ACTR3: variants seen among roughly 807,000 people sequenced by gnomAD.
ACTR3 encodes actin related protein 3, also known as actin-related protein 3.
In ACTR3, 12 loss-of-function variants were observed where a neutral mutation model predicts 56.8. That is an observed-to-expected ratio of 0.21 (90% CI 0.14 to 0.34). The LOEUF (loss-of-function observed/expected upper bound fraction) is 0.34. Among genes scored for constraint, ACTR3 ranks in the 10% least tolerant of loss-of-function variants. ACTR3 has a pLI of 1.00. For synonymous variants in ACTR3, 162 were observed against 167.4 expected, an observed-to-expected ratio of 0.97 and a Z score of 0.25; for missense variants, 282 against 512.5, an observed-to-expected ratio of 0.55 and a Z score of 4.34.
intron 3 of ACTR3, among the ~76,000 whole-genome samples, chr2:113,923,610 C>G (rs1472499971): frequency 6.6e-6 from 1 of 152,154 alleles, no homozygotes; most frequent in East Asian, 1.9e-4. Context: ...GCTGGGATTA[C>G]AGGCATGAGC....
intron 8 of ACTR3, among the ~76,000 whole-genome samples, chr2:113,948,759 A>G (rs769023229): frequency 3.9e-5 from 6 of 152,022 alleles, no homozygotes; most frequent in Non-Finnish European, 7.4e-5. Context: ...AACTCTCTTC[A>G]GTAGTTATAT....
chr2:113,901,272 C>T (rs965820184), intron 1 of ACTR3, among the ~76,000 whole-genome samples: 3 of 152,222 alleles, frequency 2.0e-5, no homozygotes, highest in African/African-American at 7.2e-5. Flanking sequence ...TCAGGAGAAT[C>T]GCTTGAACCT....
intron 8 of ACTR3, among the ~76,000 whole-genome samples, chr2:113,948,828 A>C (rs1266138228): frequency 6.6e-6 from 1 of 151,710 alleles, no homozygotes. Context: ...AATTTTCTGA[A>C]GTGTCTTTTA....
At chr2:113,892,013 G>T (rs1348166760) in intron 1 of ACTR3, among the ~76,000 whole-genome samples, 1 of 152,100 alleles carries the variant, frequency 6.6e-6, no homozygotes, top group African/African-American at 2.4e-5. Flanking sequence ...TTAAAGTGAC[G>T]AATATTGCTA....
chr2:113,892,982 T>C (rs1338260857), intron 1 of ACTR3, among the ~76,000 whole-genome samples: 3 of 152,184 alleles, frequency 2.0e-5, no homozygotes, highest in Admixed American at 6.5e-5. Flanking sequence ...AGAGAATACT[T>C]ATTTTGAAAA....
At chr2:113,921,859 G>A (rs1679517672) in intron 3 of ACTR3, among the ~76,000 whole-genome samples, 2 of 152,138 alleles carry the variant, frequency 1.3e-5, no homozygotes, top group South Asian at 4.1e-4. Flanking sequence ...TACCTTAGAC[G>A]GGTTGACATT....
At chr2:113,900,583 A>AGTTTTAGTGAGTTTT (rs1679082335) in intron 1 of ACTR3, among the ~76,000 whole-genome samples, 1 of 152,216 alleles carries the variant, frequency 6.6e-6, no homozygotes, top group Non-Finnish European at 1.5e-5. Context: ...ATGTTTACCA[A>AGTTTTAGTGAGTTTT]ATACTTAGTG....
At chr2:113,897,101 A>G (rs1679021322) in intron 1 of ACTR3, among the ~76,000 whole-genome samples, 1 of 152,260 alleles carries the variant, frequency 6.6e-6, no homozygotes, top group African/African-American at 2.4e-5. Flanking sequence ...ACAGTAGCAT[A>G]AAGAAGCAAG....
chr2:113,931,470 C>CT (rs200938275), intron 5 of ACTR3, 74 bp downstream of exon 5: 127,951 of 658,574 alleles, frequency 0.19, 4,277 homozygotes, highest in East Asian at 0.4. Context: ...AAAATACGTA[C>CT]TTTTTTTTTT....
At chr2:113,947,797 T>G (rs1174994308) in intron 8 of ACTR3, among the ~76,000 whole-genome samples, 2 of 152,236 alleles carry the variant, frequency 1.3e-5, no homozygotes, top group Non-Finnish European at 2.9e-5. Flanking sequence ...TAACCTTTAT[T>G]GTTTCATACA....
chr2:113,901,098 C>G, intron 1 of ACTR3, among the ~76,000 whole-genome samples: 1 of 152,168 alleles, frequency 6.6e-6, no homozygotes, highest in East Asian at 1.9e-4. Flanking sequence ...GGCCGCAGAT[C>G]ACCTGAGGTC....
intron 8 of ACTR3, among the ~76,000 whole-genome samples, chr2:113,949,818 C>G (rs981750090): frequency 6.6e-6 from 1 of 152,192 alleles, no homozygotes; most frequent in Admixed American, 6.5e-5. Flanking sequence ...CTGCCTTGGC[C>G]TCCCAAAGCA....
rs143938851 is a variant in ACTR3, at chr2:113,952,255, C to T, written c.1077+410C>T. ...GCCTGCTCTCAAAAACTGACTTTAG[C>T]TCCCACATAGCAACCTCAAAGTGTG... On this transcript the variant is annotated intron_variant, in intron 10 of 11. Coordinates refer to ENST00000263238, the MANE Select transcript of ACTR3 (RefSeq NM_005721.5). 559 of 160,778 alleles carry T rather than the reference C, an allele frequency of 3.5e-3. 3 individuals are homozygous for T. The highest frequency in any genetic ancestry group is 5.5e-3 in the Non-Finnish European group (404 of 72,806). 10.0% of individuals were successfully genotyped at this position (160,778 alleles called of 1,614,324 possible).
intron 10 of ACTR3, chr2:113,952,077 C>G (rs1680130115): frequency 2.2e-6 from 1 of 461,532 alleles, no homozygotes; most frequent in Admixed American, 3.7e-5. Flanking sequence ...TGTGGAAAGA[C>G]TTTTTTTTTA....
At chr2:113,931,812 A>G (rs1304359675) in intron 5 of ACTR3, among the ~76,000 whole-genome samples, 1 of 149,140 alleles carries the variant, frequency 6.7e-6, no homozygotes, top group Non-Finnish European at 1.5e-5. Flanking sequence ...ACACCCTAAT[A>G]TTTCACTTCT....
chr2:113,924,887 C>CTATTTATTTATTTATT (rs139963909), intron 3 of ACTR3, among the ~76,000 whole-genome samples: 2 of 149,932 alleles, frequency 1.3e-5, no homozygotes, highest in Non-Finnish European at 3.0e-5. Context: ...ATTCAAGGAA[C>CTATTTATTTATTTATT]TATTTATTTA....
intron 1 of ACTR3, among the ~76,000 whole-genome samples, chr2:113,901,699 T>C (rs1679103168): frequency 6.6e-6 from 1 of 152,222 alleles, no homozygotes; most frequent in South Asian, 2.1e-4. Flanking sequence ...ATTTATTTTG[T>C]TATATCATTT....
At chr2:113,951,996 G>C (rs1680129168) in intron 10 of ACTR3, 151 bp downstream of exon 10, 3 of 975,858 alleles carry the variant, frequency 3.1e-6, no homozygotes, top group Non-Finnish European at 4.4e-6. Flanking sequence ...ATTTATGTCT[G>C]TGATATTCTG....
intron 1 of ACTR3, among the ~76,000 whole-genome samples, chr2:113,909,700 G>GA (rs141836509): frequency 6.6e-6 from 1 of 150,680 alleles, no homozygotes; most frequent in South Asian, 2.1e-4. Flanking sequence ...AGATATAAGG[G>GA]AAAAAAGAGT....
Sources: gnomAD v4.1 joint callset for allele counts (sites outside exome capture counted in the v4.1 genomes callset) on GRCh38, gnomAD v4.1.1 for gene constraint, MANE v1.5 for transcripts, NCBI Gene and HGNC (gene_info 2026-07-23, HGNC 2026-07-21) for gene names.